TMPRSS4: variants seen among roughly 807,000 people sequenced by gnomAD.
TMPRSS4 encodes the protein transmembrane serine protease 4.
TMPRSS4 carries 45 observed loss-of-function variants against 56.4 expected under a neutral mutation model. The observed-to-expected ratio is 0.80, with a 90% CI of 0.63 to 1.02. TMPRSS4 has a LOEUF of 1.02. Ranked by LOEUF, TMPRSS4 falls within the 50% of genes least tolerant of loss-of-function variation. The probability of loss-of-function intolerance (pLI) is 0.00; values close to 1 mark genes in which losing one functional copy is unlikely to be tolerated. For synonymous variants in TMPRSS4, 205 were observed against 211.0 expected, an observed-to-expected ratio of 0.97 and a Z score of 0.25; for missense variants, 546 against 556.7, an observed-to-expected ratio of 0.98 and a Z score of 0.19.
At chr11:118,092,283 G>A (rs1946026137) in intron 1 of TMPRSS4, among the ~76,000 whole-genome samples, 1 of 152,236 alleles carries the variant, frequency 6.6e-6, no homozygotes, top group Admixed American at 6.5e-5. Context: ...CGCAGAGCCA[G>A]CTGTGTGGGA....
chr11:118,118,346 T>C lies in TMPRSS4; in HGVS notation c.*433T>C, dbSNP rs1016754135. ...AAGCCTACTAGAGCAAGAAACCAGT[T>C]GTAATATAAAATGCACTGCCCTACT... On this transcript the variant is annotated 3_prime_UTR_variant, in exon 13 of 13. Transcript: ENST00000437212. The C allele has an allele frequency of 2.9e-6, 3 of 1,039,898 alleles. No individual in the cohort carries two copies. The African/African-American group carries it at 5.1e-5, about 18-fold the overall frequency. The allele number at this position is 1,039,898 out of a possible 1,614,324, so 64.4% of individuals were successfully genotyped here. A position where few individuals can be genotyped will look rare whatever the true frequency, so the allele number is the denominator to read the frequency against.
intron 1 of TMPRSS4, among the ~76,000 whole-genome samples, chr11:118,084,739 A>G (rs1487051154): frequency 6.6e-6 from 1 of 152,242 alleles, no homozygotes; most frequent in Non-Finnish European, 1.5e-5. Context: ...CAGGCACATC[A>G]CATGTGTCAT....
At chr11:118,102,031 C>T (rs138551381) in intron 3 of TMPRSS4, among the ~76,000 whole-genome samples, 12 of 152,062 alleles carry the variant, frequency 7.9e-5, no homozygotes, top group African/African-American at 2.7e-4. Context: ...CTGGGGTACA[C>T]GTGCAGGATG....
In TMPRSS4 at chr11:118,118,529, A is replaced by G; in HGVS notation, c.*616A>G. On this transcript the variant is annotated 3_prime_UTR_variant, in exon 13 of 13. Coordinates refer to ENST00000437212, the MANE Select transcript of TMPRSS4 (RefSeq NM_019894.4). ...CTTTCATTCTTTGGCTTGGGGAGAA[A>G]AGAAGTCCTGGGGAAGCAATTGAGT... The G allele has an allele frequency of 1.0e-6, 1 of 985,594 alleles. No homozygotes were observed. Among genetic ancestry groups the G allele is most frequent in the Non-Finnish European group, 1.2e-6 (1 of 830,080 alleles). 61.1% of individuals were successfully genotyped at this position (985,594 alleles called of 1,614,324 possible).
At chr11:118,116,600 G>GT (rs35042522) in intron 11 of TMPRSS4, among the ~76,000 whole-genome samples, 9 of 151,212 alleles carry the variant, frequency 6.0e-5, no homozygotes, top group African/African-American at 1.2e-4. Flanking sequence ...AGGGATCTTT[G>GT]TTTTTTTTCA....
chr11:118,110,502 A>G (rs1465183520), intron 7 of TMPRSS4, among the ~76,000 whole-genome samples: 2 of 152,074 alleles, frequency 1.3e-5, no homozygotes, highest in African/African-American at 4.8e-5. Flanking sequence ...TCACCAGCCC[A>G]GCTGGGACTA....
intron 5 of TMPRSS4, chr11:118,105,436 T>G (rs896343350): frequency 1.3e-5 from 2 of 151,812 alleles, no homozygotes; most frequent in Admixed American, 6.6e-5. Flanking sequence ...TATATATAGA[T>G]ATATATTATA....
At chr11:118,117,191 C>A (rs1045678698) in intron 11 of TMPRSS4, 114 bp from the exon 12 acceptor site, 12 of 1,039,136 alleles carry the variant, frequency 1.2e-5, no homozygotes, top group Non-Finnish European at 1.8e-5. Flanking sequence ...GGTGGAATAT[C>A]GGAGAGCAGC....
Position 118,118,217 on chromosome 11 carries a change from A to G in TMPRSS4, c.*304A>G. 1.5e-6 allele frequency: 2 copies of G among 1,309,080 alleles called. No homozygotes were observed. The highest frequency in any genetic ancestry group is 1.9e-6 in the Non-Finnish European group (2 of 1,028,954). 81.1% of individuals were successfully genotyped at this position (1,309,080 alleles called of 1,614,324 possible). ...CTAAGCCAAGAAGGAACTTTCCCAC[A>G]CTACTGAATGGAAGCAGGCTGTCTT... On this transcript the variant is annotated 3_prime_UTR_variant, in exon 13 of 13. Transcript: ENST00000437212.
chr11:118,115,468 G>T, intron 11 of TMPRSS4, 188 bp downstream of exon 11: 1 of 643,136 alleles, frequency 1.6e-6, no homozygotes, highest in Non-Finnish European at 2.6e-6. Context: ...TAGATGAGTG[G>T]GTGGATGGAT....
intron 1 of TMPRSS4, among the ~76,000 whole-genome samples, chr11:118,085,949 C>T (rs1945524161): frequency 6.6e-6 from 1 of 152,218 alleles, no homozygotes; most frequent in African/African-American, 2.4e-5. Flanking sequence ...GAATGGGCTG[C>T]TTCCCCTAGG....
At chr11:118,112,119 G>T (rs1215110775) in intron 8 of TMPRSS4, among the ~76,000 whole-genome samples, 1 of 152,032 alleles carries the variant, frequency 6.6e-6, no homozygotes, top group African/African-American at 2.4e-5. Flanking sequence ...GCCTCTTCCT[G>T]GTGGGACACC....
At chr11:118,095,721 A>G (rs1176240436) in intron 2 of TMPRSS4, among the ~76,000 whole-genome samples, 1 of 152,214 alleles carries the variant, frequency 6.6e-6, no homozygotes, top group Non-Finnish European at 1.5e-5. Flanking sequence ...GGTGAAGACT[A>G]GCAGTGGAAG....
chr11:118,091,589 T>A (rs1270836039), intron 1 of TMPRSS4, among the ~76,000 whole-genome samples: 2 of 152,128 alleles, frequency 1.3e-5, no homozygotes, highest in Admixed American at 6.5e-5. Flanking sequence ...GGCACTATTT[T>A]CCCCATCTTG....
intron 3 of TMPRSS4, among the ~76,000 whole-genome samples, chr11:118,101,728 C>T (rs918972299): frequency 6.6e-6 from 1 of 152,156 alleles, no homozygotes; most frequent in African/African-American, 2.4e-5. Context: ...ATCCTCCTGC[C>T]TTGGCATCCC....
At chr11:118,099,227 T>G in intron 3 of TMPRSS4, 129 bp downstream of exon 3, 1 of 587,122 alleles carries the variant, frequency 1.7e-6, no homozygotes. Context: ...TAAGAGGCAG[T>G]CCCACCCCTG....
In TMPRSS4 at chr11:118,120,337, G is replaced by A. The variant is rs996902272; in HGVS notation, c.*2424G>A. 1.3e-5 allele frequency: 2 copies of A among 152,142 alleles called. No homozygotes were observed. Among genetic ancestry groups the A allele is most frequent in the African/African-American group, 4.8e-5 (2 of 41,424 alleles). 9.4% of individuals were successfully genotyped at this position (152,142 alleles called of 1,614,324 possible). A position where few individuals can be genotyped will look rare whatever the true frequency, so the allele number is the denominator to read the frequency against. ...TTCTCTTGGGTATATTCCCAGAAGT[G>A]GAATTGCTGGATCATATGGTAATTC... On this transcript the variant is annotated 3_prime_UTR_variant, in exon 13 of 13. Coordinates refer to ENST00000437212, the MANE Select transcript of TMPRSS4 (RefSeq NM_019894.4).
In TMPRSS4 at chr11:118,098,912, C is replaced by T. The variant is rs565736726; in HGVS notation, c.44-73C>T. 2.5e-5 allele frequency: 30 copies of T among 1,193,136 alleles called. No homozygotes were observed. In the African/African-American group the frequency reaches 4.2e-4, roughly 17 times the overall value. 73.9% of individuals were successfully genotyped at this position (1,193,136 alleles called of 1,614,324 possible). ...CTGTCACCGGCCAGAAGGCAGGAGGCTGTGGAGTTTGGCTCAGGGATCACC... is the reference window on the plus strand; with the variant it reads ...CTGTCACCGGCCAGAAGGCAGGAGGTTGTGGAGTTTGGCTCAGGGATCACC... On this transcript the variant is annotated intron_variant, in intron 2 of 12. Coordinates refer to ENST00000437212, the MANE Select transcript of TMPRSS4 (RefSeq NM_019894.4).
At chr11:118,111,575 G>A (rs1378666066) in intron 7 of TMPRSS4, among the ~76,000 whole-genome samples, 166 bp from the exon 8 acceptor site, 1 of 152,188 alleles carries the variant, frequency 6.6e-6, no homozygotes, top group African/African-American at 2.4e-5. Flanking sequence ...TATGGTCTGG[G>A]ACACTCAATA....
Sources: gnomAD v4.1 joint callset for allele counts (sites outside exome capture counted in the v4.1 genomes callset) on GRCh38, gnomAD v4.1.1 for gene constraint, MANE v1.5 for transcripts, NCBI Gene and HGNC (gene_info 2026-07-23, HGNC 2026-07-21) for gene names.